Variants in PKIB observed in about 807,000 individuals in gnomAD.
The protein encoded by PKIB is PKI-beta.
A neutral mutation model predicts 4.5 loss-of-function variants in PKIB; 2 were observed. The ratio of observed to expected loss-of-function variants is 0.44; its 90% CI spans 0.18 to 1.39. The LOEUF (loss-of-function observed/expected upper bound fraction) is 1.39. PKIB is among the 40% of genes most tolerant of loss of function. The pLI is 0.27. For synonymous variants in PKIB, 38 were observed against 36.0 expected (o/e 1.06, Z -0.20); for missense variants, 94 against 92.6 (o/e 1.02, Z -0.06).
intron 1 of PKIB, among the ~76,000 whole-genome samples, chr6:122,613,586 A>T (rs2114766526): frequency 6.6e-6 from 1 of 152,290 alleles, no homozygotes; most frequent in Non-Finnish European, 1.5e-5. Context: ...CCAGGTAGTG[A>T]CATTACATGG....
intron 2 of PKIB, among the ~76,000 whole-genome samples, chr6:122,581,370 C>G (rs1304928788): frequency 1.3e-5 from 2 of 152,078 alleles, no homozygotes; most frequent in East Asian, 3.9e-4. Context: ...CAATATAAGA[C>G]TATCCTTTCC....
At chr6:122,614,676 A>T (rs1380979635) in intron 1 of PKIB, among the ~76,000 whole-genome samples, 11 of 152,192 alleles carry the variant, frequency 7.2e-5, no homozygotes, top group Non-Finnish European at 1.6e-4. Context: ...TTATATTTTA[A>T]TGGTCACAAA....
intron 2 of PKIB, among the ~76,000 whole-genome samples, chr6:122,674,442 C>T (rs909717640): frequency 1.3e-5 from 2 of 152,064 alleles, no homozygotes; most frequent in African/African-American, 2.4e-5. Context: ...TGCATACCGA[C>T]GGTTCATACT....
intron 2 of PKIB, chr6:122,483,867 C>A (rs1775690777): frequency 6.6e-6 from 1 of 152,168 alleles, no homozygotes; most frequent in African/African-American, 2.4e-5. Context: ...TTTTAGATGA[C>A]AGAAGAACAG....
intron 2 of PKIB, chr6:122,652,769 G>T (rs946293906): frequency 1.3e-5 from 2 of 152,172 alleles, no homozygotes; most frequent in African/African-American, 2.4e-5. Flanking sequence ...TCTTGAAGAA[G>T]TTGTAGGTAA....
chr6:122,548,152 A>G (rs1772562251), intron 2 of PKIB, among the ~76,000 whole-genome samples: 1 of 152,188 alleles, frequency 6.6e-6, no homozygotes, highest in Non-Finnish European at 1.5e-5. Context: ...CTGTTTTGAC[A>G]TGACTTGAAT....
chr6:122,517,581 T>C (rs1402938865), intron 2 of PKIB, among the ~76,000 whole-genome samples: 1 of 152,210 alleles, frequency 6.6e-6, no homozygotes, highest in Non-Finnish European at 1.5e-5. Flanking sequence ...CTAACCCTTC[T>C]CCTGTTTGCC....
chr6:122,585,241 C>T (rs1489228501), intron 2 of PKIB, among the ~76,000 whole-genome samples: 1 of 152,108 alleles, frequency 6.6e-6, no homozygotes, highest in Non-Finnish European at 1.5e-5. Context: ...AGCCAAGAAC[C>T]CTCCTGGGCT....
At chr6:122,561,235 C>T (rs1370897390) in intron 2 of PKIB, among the ~76,000 whole-genome samples, 1 of 151,750 alleles carries the variant, frequency 6.6e-6, no homozygotes, top group African/African-American at 2.4e-5. Flanking sequence ...TTTGATAGGT[C>T]GTGTCATTAT....
intron 3 of PKIB, among the ~76,000 whole-genome samples, chr6:122,602,562 A>G (rs1018019736): frequency 6.6e-6 from 1 of 152,164 alleles, no homozygotes; most frequent in Non-Finnish European, 1.5e-5. Flanking sequence ...CCAGTAGAGT[A>G]TAAGGGTAAT....
intron 1 of PKIB, among the ~76,000 whole-genome samples, chr6:122,619,519 T>A (rs1379259904): frequency 3.3e-5 from 5 of 152,096 alleles, no homozygotes; most frequent in African/African-American, 1.2e-4. Flanking sequence ...GCCTTGGAAC[T>A]TACCTTTCTC....
chr6:122,509,473 C>G (rs970053458), intron 2 of PKIB, among the ~76,000 whole-genome samples: 5 of 151,532 alleles, frequency 3.3e-5, no homozygotes, highest in African/African-American at 1.2e-4. Context: ...CTCTGTTGCC[C>G]AGGCTGGAGT....
At chr6:122,578,223 G>A (rs985029606) in intron 2 of PKIB, among the ~76,000 whole-genome samples, 1 of 152,008 alleles carries the variant, frequency 6.6e-6, no homozygotes, top group African/African-American at 2.4e-5. Flanking sequence ...AGGGTTCAAC[G>A]AAAACATTTT....
intron 2 of PKIB, among the ~76,000 whole-genome samples, chr6:122,563,578 C>T (rs1773095945): frequency 6.6e-6 from 1 of 151,956 alleles, no homozygotes; most frequent in Non-Finnish European, 1.5e-5. Context: ...GAAGGAACAT[C>T]AGGCGGGGGC....
At position 122,622,493 on chromosome 6, in the gene PKIB, AGT is replaced by A. The variant is rs147744250; in HGVS notation, c.-160-10783_-160-10782del. ...GCTATCATTGGAGAACATTCCGAAA[AGT>A]GTGTGTATAGATTATGTAACCAGTC... On this transcript the variant is annotated intron_variant, in intron 1 of 4. Coordinates refer to ENST00000368452, the MANE Select transcript of PKIB (RefSeq NM_181795.3). Among the ~76,000 whole-genome samples, 129 of 152,266 alleles carry A rather than the reference AGT, an allele frequency of 8.5e-4. No individual in the cohort carries two copies. In the East Asian group the frequency reaches 0.022, roughly 26 times the overall value.
intron 2 of PKIB, among the ~76,000 whole-genome samples, chr6:122,538,164 C>A (rs978029775): frequency 6.6e-6 from 1 of 152,030 alleles, no homozygotes; most frequent in African/African-American, 2.4e-5. Context: ...TTTTGCTGTG[C>A]AGAAGGTCTT....
At chr6:122,623,695 C>T (rs940945572) in intron 1 of PKIB, among the ~76,000 whole-genome samples, 2 of 152,138 alleles carry the variant, frequency 1.3e-5, no homozygotes, top group African/African-American at 2.4e-5. Flanking sequence ...TCAAGCCTTG[C>T]ACCCAGACAC....
chr6:122,507,051 G>C (rs1351891472), intron 2 of PKIB, among the ~76,000 whole-genome samples: 4 of 152,124 alleles, frequency 2.6e-5, no homozygotes, highest in Non-Finnish European at 5.9e-5. Flanking sequence ...TGTTGAGGCT[G>C]TTAATCCCTC....
intron 2 of PKIB, among the ~76,000 whole-genome samples, chr6:122,568,026 A>G (rs1042033065): frequency 4.6e-5 from 7 of 152,174 alleles, no homozygotes; most frequent in African/African-American, 7.2e-5. Flanking sequence ...TAAAATATAG[A>G]CAGAATTAAT....
Sources: allele counts gnomAD v4.1 joint callset (sites outside exome capture counted in the v4.1 genomes callset), GRCh38; gene constraint gnomAD v4.1.1; transcripts MANE v1.5; gene names NCBI Gene and HGNC (gene_info 2026-07-23, HGNC 2026-07-21).